Variants in NXNL2 observed in about 807,000 individuals in gnomAD.
NXNL2 encodes nucleoredoxin like 2.
In NXNL2, 7 loss-of-function variants were observed where a neutral mutation model predicts 11.1. The observed-to-expected ratio is 0.63, with a 90% confidence interval of 0.36 to 1.18. The LOEUF (loss-of-function observed/expected upper bound fraction) is 1.18. NXNL2 is among the 50% of genes most tolerant of loss of function. NXNL2 has a pLI of 0.02. For missense variants in NXNL2, 233 were observed against 217.7 expected, an observed-to-expected ratio of 1.07 and a Z score of -0.44; for synonymous variants, 109 against 101.8, an observed-to-expected ratio of 1.07 and a Z score of -0.42.
chr9:88,559,282 G>A (rs1438731829), intron 1 of NXNL2, among the ~76,000 whole-genome samples: 5 of 152,146 alleles, frequency 3.3e-5, no homozygotes, highest in African/African-American at 1.2e-4. Context: ...TACATGGCAA[G>A]TATGATCAAT....
At chr9:88,583,752 A>C (rs1025092707) in intron 1 of NXNL2, among the ~76,000 whole-genome samples, 17 of 152,196 alleles carry the variant, frequency 1.1e-4, no homozygotes, top group Admixed American at 1.0e-3. Flanking sequence ...ATTAGGGTTA[A>C]ATGTGTCACA....
At chr9:88,558,145 G>A (rs149710556) in intron 1 of NXNL2, among the ~76,000 whole-genome samples, 216 of 152,308 alleles carry the variant, frequency 1.4e-3, no homozygotes, top group African/African-American at 4.8e-3. Flanking sequence ...CAACCATGTG[G>A]TCAGAGGGTT....
chr9:88,573,444 A>G (rs993082743), intron 2 of NXNL2, among the ~76,000 whole-genome samples: 18 of 152,218 alleles, frequency 1.2e-4, no homozygotes, highest in Admixed American at 6.5e-5. Context: ...GTGCCTGGCC[A>G]TACAGTAGTC....
At position 88,554,573 on chromosome 9, in the gene NXNL2, AT is replaced by A. The variant is rs532186186; in HGVS notation, c.303-16511del. Among the ~76,000 whole-genome samples, 542 of 152,302 alleles carry A rather than the reference AT, an allele frequency of 3.6e-3. 5 individuals are homozygous for A. Among genetic ancestry groups the A allele is most frequent in the African/African-American group, 0.012 (512 of 41,566 alleles). On this transcript the variant is annotated intron_variant, in intron 1 of 2. Coordinates refer to the NXNL2 transcript ENST00000375855. ...AATCTGGTGCCTTTGGCAGGGAATG[AT>A]TTATTTCTTTATGTTGATAATAACC...
At chr9:88,568,073 C>T (rs992962687) in intron 1 of NXNL2, among the ~76,000 whole-genome samples, 16 of 152,154 alleles carry the variant, frequency 1.1e-4, no homozygotes, top group South Asian at 4.1e-4. Flanking sequence ...GGTGGAGCCA[C>T]GCTGGGCTAG....
intron 1 of NXNL2, among the ~76,000 whole-genome samples, chr9:88,539,005 G>C (rs139688847): frequency 1.3e-5 from 2 of 152,104 alleles, no homozygotes; most frequent in Admixed American, 6.5e-5. Flanking sequence ...GCAAACCACA[G>C]GCCTGTACTC....
chr9:88,577,953 G>A (rs1830366081), downstream of NXNL2, among the ~76,000 whole-genome samples: 1 of 152,224 alleles, frequency 6.6e-6, no homozygotes, highest in Non-Finnish European at 1.5e-5. Flanking sequence ...GCCCCTAGGC[G>A]CAGGCCCCTG....
chr9:88,576,619 C>T (rs527899710), downstream of NXNL2, among the ~76,000 whole-genome samples: 9 of 152,232 alleles, frequency 5.9e-5, no homozygotes, highest in African/African-American at 2.2e-4. Flanking sequence ...AATGGAGGTG[C>T]GGGAGGGGCA....
At chr9:88,574,377 A>C (rs1830317650) in intron 2 of NXNL2, among the ~76,000 whole-genome samples, 1 of 152,208 alleles carries the variant, frequency 6.6e-6, no homozygotes. Context: ...CATATGCCCA[A>C]GGTGGTCAGG....
chr9:88,552,325 T>A (rs918692394), intron 1 of NXNL2, among the ~76,000 whole-genome samples: 2 of 152,154 alleles, frequency 1.3e-5, no homozygotes, highest in Non-Finnish European at 2.9e-5. Context: ...ATTGCATGCA[T>A]GTGTTTAAAC....
intron 2 of NXNL2, among the ~76,000 whole-genome samples, chr9:88,573,363 C>A (rs1335355173): frequency 2.0e-5 from 3 of 152,128 alleles, no homozygotes; most frequent in Non-Finnish European, 4.4e-5. Flanking sequence ...AGGTTGGTTT[C>A]GAACTCCTGG....
chr9:88,554,024 G>A (rs1230024432), intron 1 of NXNL2, among the ~76,000 whole-genome samples: 2 of 151,876 alleles, frequency 1.3e-5, no homozygotes, highest in Non-Finnish European at 2.9e-5. Context: ...CATTCAACAG[G>A]CGTTTGGTTC....
intron 1 of NXNL2, among the ~76,000 whole-genome samples, chr9:88,559,912 G>C (rs1377552767): frequency 6.6e-6 from 1 of 152,202 alleles, no homozygotes; most frequent in Non-Finnish European, 1.5e-5. Context: ...TTTGGCTGAA[G>C]TGGGACATAT....
At chr9:88,544,189 A>T (rs1244344832) in intron 1 of NXNL2, among the ~76,000 whole-genome samples, 190 bp from the exon 2 acceptor site, 1 of 152,186 alleles carries the variant, frequency 6.6e-6, no homozygotes, top group Non-Finnish European at 1.5e-5. Context: ...AAAAAGAAAA[A>T]GAAAAAGAAA....
At chr9:88,572,653 G>A (rs1001679527) in intron 2 of NXNL2, among the ~76,000 whole-genome samples, 1 of 152,202 alleles carries the variant, frequency 6.6e-6, no homozygotes, top group Non-Finnish European at 1.5e-5. Flanking sequence ...GGGAGGTGAA[G>A]GGGGATCATG....
chr9:88,564,260 ATCTATCTG>A (rs1383701760), intron 1 of NXNL2, among the ~76,000 whole-genome samples: 175 of 135,198 alleles, frequency 1.3e-3, no homozygotes, highest in African/African-American at 4.7e-3. Context: ...CTATCTATCT[ATCTATCTG>A]TCTATCTATC....
chr9:88,561,792 T>TG (rs1830089001), intron 1 of NXNL2, among the ~76,000 whole-genome samples: 1 of 152,190 alleles, frequency 6.6e-6, no homozygotes, highest in South Asian at 2.1e-4. Context: ...AGAAGGACTC[T>TG]GATCCTAAAG....
downstream of NXNL2, among the ~76,000 whole-genome samples, chr9:88,545,542 A>T (rs1218167683): frequency 6.6e-6 from 1 of 152,178 alleles, no homozygotes; most frequent in African/African-American, 2.4e-5. Flanking sequence ...AACCTGTGCC[A>T]CTGAGACATA....
downstream of NXNL2, among the ~76,000 whole-genome samples, chr9:88,579,975 T>A (rs1336569410): frequency 3.3e-5 from 5 of 151,510 alleles, no homozygotes; most frequent in African/African-American, 7.3e-5. Flanking sequence ...CTAAAAAAAA[T>A]AATAATGCAA....
Sources: gnomAD v4.1 joint callset for allele counts (sites outside exome capture counted in the v4.1 genomes callset) on GRCh38, gnomAD v4.1.1 for gene constraint, MANE v1.5 for transcripts, NCBI Gene and HGNC (gene_info 2026-07-23, HGNC 2026-07-21) for gene names.